PDE8B: variants seen among roughly 807,000 people sequenced by gnomAD.
PDE8B encodes high affinity cAMP-specific and IBMX-insensitive 3',5'-cyclic phosphodiesterase 8B.
Under a neutral mutation model 101.3 loss-of-function variants are expected in PDE8B, and 26 were observed. The observed-to-expected ratio is 0.26, with a 90% CI of 0.19 to 0.36. The LOEUF (loss-of-function observed/expected upper bound fraction) is 0.36. Among genes scored for constraint, PDE8B ranks in the 10% least tolerant of loss-of-function variants. The pLI is 1.00. For missense variants in PDE8B, 810 were observed against 1,163.1 expected, an observed-to-expected ratio of 0.70 and a Z score of 4.42; for synonymous variants, 424 against 429.3, an observed-to-expected ratio of 0.99 and a Z score of 0.15.
intron 1 of PDE8B, among the ~76,000 whole-genome samples, chr5:77,286,349 T>G (rs915320829): frequency 6.6e-6 from 1 of 152,200 alleles, no homozygotes; most frequent in Non-Finnish European, 1.5e-5. Context: ...TTAGGTTCCC[T>G]CCTCATTCTC....
chr5:77,310,124 T>C (rs1287828891), intron 1 of PDE8B, among the ~76,000 whole-genome samples: 2 of 152,038 alleles, frequency 1.3e-5, no homozygotes, highest in Admixed American at 1.3e-4. Flanking sequence ...TAATTTTTTG[T>C]ATTTTTAGTA....
the PDE8B span, among the ~76,000 whole-genome samples, chr5:77,161,218 ATT>A: frequency 6.6e-6 from 1 of 152,164 alleles, no homozygotes. Flanking sequence ...CTCTTGTGCC[ATT>A]TTATATGGAT....
the PDE8B span, among the ~76,000 whole-genome samples, chr5:77,204,410 C>CAAA: frequency 6.6e-5 from 7 of 106,144 alleles, no homozygotes; most frequent in African/African-American, 1.9e-4. Flanking sequence ...GACTCTGTCT[C>CAAA]AAAAAAAAAA....
In PDE8B at chr5:77,374,965, A is replaced by C. The variant is rs1581322634; in HGVS notation, c.1167+21559A>C. On this transcript the variant is annotated intron_variant, in intron 10 of 21. Coordinates refer to ENST00000264917, the MANE Select transcript of PDE8B (RefSeq NM_003719.5). ...ACTACAGACAGAACCAGATACACAC[A>C]CACACACACACACCCAACTCTAGGT... Among the ~76,000 whole-genome samples, 4 of 152,286 alleles carry C rather than the reference A, an allele frequency of 2.6e-5. No homozygotes were observed. In the South Asian group the frequency reaches 8.3e-4, roughly 32 times the overall value.
intron 10 of PDE8B, among the ~76,000 whole-genome samples, chr5:77,377,223 T>C (rs1466899431): frequency 6.6e-6 from 1 of 152,114 alleles, no homozygotes; most frequent in African/African-American, 2.4e-5. Flanking sequence ...GCAATATAAA[T>C]GTCATTGAAT....
the PDE8B span, among the ~76,000 whole-genome samples, chr5:77,200,794 C>G: frequency 6.6e-6 from 1 of 152,156 alleles, no homozygotes; most frequent in African/African-American, 2.4e-5. Context: ...GGAAAGCTCT[C>G]TCACATCTTA....
chr5:77,387,676 A>C (rs185017960), intron 10 of PDE8B, among the ~76,000 whole-genome samples: 1 of 152,148 alleles, frequency 6.6e-6, no homozygotes, highest in Admixed American at 6.5e-5. Context: ...GTGTTTTCCA[A>C]CTTGGTTCCA....
rs554702917 is a variant in PDE8B, at chr5:77,353,662, G to C, written c.1167+256G>C. On this transcript the variant is annotated intron_variant, in intron 10 of 21. Transcript: ENST00000264917. Reference sequence around the variant, plus strand: ...GGAACTCTCTAGACTAATATATGAAGGCATAAAATTTTTCCTCCAAATAAA... The same window carrying C: ...GGAACTCTCTAGACTAATATATGAACGCATAAAATTTTTCCTCCAAATAAA... Among the ~76,000 whole-genome samples the C allele has an allele frequency of 1.5e-4, 23 of 151,840 alleles. No homozygotes were observed. The South Asian group carries it at 4.8e-3, about 32-fold the overall frequency.
chr5:77,160,438 G>GA, the PDE8B span, among the ~76,000 whole-genome samples: 1 of 152,012 alleles, frequency 6.6e-6, no homozygotes, highest in African/African-American at 2.4e-5. Context: ...TCTATGGTTG[G>GA]AAAAAATCCA....
At chr5:77,207,087 C>T (rs1056441817), upstream of PDE8B, among the ~76,000 whole-genome samples, 7 of 152,188 alleles carry the variant, frequency 4.6e-5, no homozygotes, top group African/African-American at 1.2e-4. Context: ...GCCTAATAAA[C>T]GGTATCATTT....
At chr5:77,375,359 C>T (rs1290692029) in intron 10 of PDE8B, among the ~76,000 whole-genome samples, 1 of 152,170 alleles carries the variant, frequency 6.6e-6, no homozygotes, top group Non-Finnish European at 1.5e-5. Context: ...ACAGCTGGGC[C>T]AGTCTAAACT....
intron 2 of PDE8B, among the ~76,000 whole-genome samples, chr5:77,316,780 A>G (rs529356681): frequency 8.7e-4 from 133 of 152,312 alleles, no homozygotes; most frequent in Non-Finnish European, 1.2e-3. Context: ...CAAATTGAAT[A>G]TCATAAACTC....
At position 77,421,823 on chromosome 5, in the gene PDE8B, T is replaced by A; in HGVS notation, c.2253T>A (p.Ile751=). 6.2e-7 allele frequency: 1 copy of A among 1,614,062 alleles called. No homozygotes were observed. The highest frequency in any genetic ancestry group is 8.5e-7 in the Non-Finnish European group (1 of 1,179,988). ...TGATCTGACCATCTGTTTTCCAGAT[T>A]GAAGGCAGCGACTGTGAATGCAACC... ...NSINKPMAAE[I]EGSDCECNPA... Residue 751 remains isoleucine (I), a splice_region_variant and synonymous_variant, in exon 20 of 22, where the codon ATT becomes ATA. Coordinates refer to ENST00000264917, the MANE Select transcript of PDE8B (RefSeq NM_003719.5).
intron 10 of PDE8B, among the ~76,000 whole-genome samples, chr5:77,373,380 T>C (rs1455718268): frequency 6.6e-6 from 1 of 152,190 alleles, no homozygotes; most frequent in Non-Finnish European, 1.5e-5. Context: ...AAGCATACAG[T>C]TTGATGAGCT....
At chr5:77,331,224 T>C (rs1777056828) in intron 4 of PDE8B, 178 bp from the exon 5 acceptor site, 2 of 726,032 alleles carry the variant, frequency 2.8e-6, no homozygotes, top group Non-Finnish European at 5.1e-6. Context: ...TTTTTGCATC[T>C]GGAAGGTAGA....
chr5:77,425,070 T>C (rs976816769), intron 20 of PDE8B, among the ~76,000 whole-genome samples: 1 of 152,210 alleles, frequency 6.6e-6, no homozygotes, highest in Non-Finnish European at 1.5e-5. Context: ...TGCTAGTTCA[T>C]TGAGTCATGC....
intron 6 of PDE8B, among the ~76,000 whole-genome samples, chr5:77,338,123 T>A (rs1778526722): frequency 6.6e-6 from 1 of 152,264 alleles, no homozygotes; most frequent in Non-Finnish European, 1.5e-5. Context: ...CAGAAAATTC[T>A]GTAGCATGGC....
At chr5:77,153,259 T>A in the PDE8B span, among the ~76,000 whole-genome samples, 1 of 152,204 alleles carries the variant, frequency 6.6e-6, no homozygotes, top group Non-Finnish European at 1.5e-5. Context: ...ATTTATTGTT[T>A]TATAATTTAA....
the PDE8B span, among the ~76,000 whole-genome samples, chr5:77,101,965 A>G: frequency 0.018 from 2,727 of 152,310 alleles, 86 homozygotes; most frequent in African/African-American, 0.06. Context: ...TTGCACAACA[A>G]TATGAACGTA....
Sources: gnomAD v4.1 joint callset for allele counts (sites outside exome capture counted in the v4.1 genomes callset) on GRCh38, gnomAD v4.1.1 for gene constraint, MANE v1.5 for transcripts, NCBI Gene and HGNC (gene_info 2026-07-23, HGNC 2026-07-21) for gene names.